UBE2E3: variants seen among roughly 807,000 people sequenced by gnomAD.
The protein encoded by UBE2E3 is ubiquitin conjugating enzyme E2 E3.
In UBE2E3, 5 loss-of-function variants were observed where a neutral mutation model predicts 23.6. The observed-to-expected ratio is 0.21, with a 90% CI of 0.11 to 0.44. UBE2E3 has a LOEUF of 0.44. UBE2E3 is among the 20% of genes least tolerant of loss of function. The pLI, the probability that UBE2E3 is intolerant of heterozygous loss-of-function variation, is 0.99. For missense variants in UBE2E3, 81 were observed against 249.8 expected, an observed-to-expected ratio of 0.32 and a Z score of 4.55; for synonymous variants, 78 against 87.5, an observed-to-expected ratio of 0.89 and a Z score of 0.60.
chr2:181,060,861 C>CTTTTTTTTTTTTTTTTTTTTTT (rs71029902), intron 5 of UBE2E3, 49 bp downstream of exon 5: 2 of 238,396 alleles, frequency 8.4e-6, no homozygotes, highest in African/African-American at 5.8e-5. Flanking sequence ...AAAACGAGTG[C>CTTTTTTTTTTTTTTTTTTTTTT]TTTTTTTTTT....
At chr2:181,040,169 C>T (rs939778742) in intron 3 of UBE2E3, among the ~76,000 whole-genome samples, 3 of 152,144 alleles carry the variant, frequency 2.0e-5, no homozygotes, top group Middle Eastern at 3.2e-3. Context: ...AATATGTTTG[C>T]GTTCTTCTTA....
intron 2 of UBE2E3, among the ~76,000 whole-genome samples, chr2:180,982,584 T>C (rs1286487374): frequency 2.7e-5 from 4 of 148,872 alleles, no homozygotes; most frequent in Non-Finnish European, 5.9e-5. Context: ...GTCATAATCT[T>C]CTTTAATGAA....
chr2:181,003,007 C>G (rs1402974539), intron 3 of UBE2E3, among the ~76,000 whole-genome samples: 1 of 152,216 alleles, frequency 6.6e-6, no homozygotes, highest in East Asian at 1.9e-4. Context: ...ACACATCTCT[C>G]TGCCCATGTG....
chr2:181,013,266 A>G (rs1685388406), intron 3 of UBE2E3, among the ~76,000 whole-genome samples: 1 of 152,148 alleles, frequency 6.6e-6, no homozygotes, highest in Non-Finnish European at 1.5e-5. Context: ...TAAATGGAAA[A>G]CATTATTATT....
At chr2:180,981,284 T>G (rs1410669215) in intron 1 of UBE2E3, 1 of 152,034 alleles carries the variant, frequency 6.6e-6, no homozygotes, top group Non-Finnish European at 1.5e-5. Context: ...TGTTTGTTTT[T>G]TCTCTGGGTT....
At chr2:180,993,263 G>A (rs1684723605) in intron 3 of UBE2E3, among the ~76,000 whole-genome samples, 1 of 152,178 alleles carries the variant, frequency 6.6e-6, no homozygotes, top group African/African-American at 2.4e-5. Flanking sequence ...GGTCCTTGAT[G>A]TATATAATAC....
rs540313808 is a variant in UBE2E3, at chr2:181,062,846, C to T, written c.582C>T (p.His194=). Residue 194 remains histidine, a synonymous_variant, in exon 6 of 6, where the codon CAC becomes CAT. Coordinates refer to ENST00000410062, the MANE Select transcript of UBE2E3 (RefSeq NM_006357.4). ...AGTATTTGACCAACAGAGCAGAACACGACAGGATAGCCAGACAGTGGACCA... is the reference window on the plus strand; with the variant it reads ...AGTATTTGACCAACAGAGCAGAACATGACAGGATAGCCAGACAGTGGACCA... ...ATQYLTNRAE[H]DRIARQWTKR... 20 of 1,608,372 alleles carry T rather than the reference C, an allele frequency of 1.2e-5. No homozygotes were observed. The highest frequency in any genetic ancestry group is 8.0e-5 in the African/African-American group (6 of 74,576).
rs145635542 is a variant in UBE2E3 at position 180,983,344 on chromosome 2, G to A, written c.195-699G>A. On this transcript the variant is annotated intron_variant, in intron 2 of 5. Transcript: ENST00000410062. ...TCTCAATTTGGTATAGTGTTGATGC[G>A]GAACATATTAGACACATCTAAAGTT... 4.6e-3 allele frequency among the ~76,000 whole-genome samples: 697 copies of A among 152,110 alleles called. 5 individuals are homozygous for A. Among genetic ancestry groups the A allele is most frequent in the African/African-American group, 0.016 (653 of 41,488 alleles).
At chr2:180,985,972 A>G (rs1283854605) in intron 3 of UBE2E3, among the ~76,000 whole-genome samples, 1 of 152,098 alleles carries the variant, frequency 6.6e-6, no homozygotes, top group Non-Finnish European at 1.5e-5. Flanking sequence ...ACTGAGGATT[A>G]TTTTAGAGGG....
At chr2:181,034,274 A>G (rs1206532038) in intron 3 of UBE2E3, among the ~76,000 whole-genome samples, 1 of 152,224 alleles carries the variant, frequency 6.6e-6, no homozygotes, top group Non-Finnish European at 1.5e-5. Context: ...CTTGGAACCA[A>G]CCCAAATGTC....
intron 3 of UBE2E3, among the ~76,000 whole-genome samples, chr2:181,056,003 A>T (rs1201188074): frequency 6.6e-6 from 1 of 151,352 alleles, no homozygotes; most frequent in Non-Finnish European, 1.5e-5. Context: ...CAACATTCGC[A>T]CTGAAAGGAA....
chr2:180,984,865 T>A (rs1373419280), intron 3 of UBE2E3, among the ~76,000 whole-genome samples: 3 of 152,158 alleles, frequency 2.0e-5, no homozygotes, highest in Non-Finnish European at 4.4e-5. Context: ...ATTCTTTTTT[T>A]AATGACTATG....
intron 3 of UBE2E3, among the ~76,000 whole-genome samples, chr2:181,023,207 A>G (rs993074238): frequency 6.6e-6 from 1 of 152,198 alleles, no homozygotes; most frequent in African/African-American, 2.4e-5. Context: ...TATTTTTAGG[A>G]GTAGGTGAAT....
intron 3 of UBE2E3, among the ~76,000 whole-genome samples, chr2:181,041,711 A>G (rs902945033): frequency 7.2e-6 from 1 of 138,006 alleles, no homozygotes; most frequent in Non-Finnish European, 1.6e-5. Flanking sequence ...GCTGGGATTG[A>G]TTACAGGTGT....
In UBE2E3 at chr2:181,063,078, A is replaced by G. The variant is rs1225003636; in HGVS notation, c.*190A>G. The G allele has an allele frequency of 5.5e-6, 2 of 366,428 alleles. No homozygotes were observed. The highest frequency in any genetic ancestry group is 1.0e-5 in the Non-Finnish European group (2 of 195,080). The allele number at this position is 366,428 out of a possible 1,614,324, so 22.7% of individuals were successfully genotyped here. On this transcript the variant is annotated 3_prime_UTR_variant, in exon 6 of 6. Coordinates refer to ENST00000410062, the MANE Select transcript of UBE2E3 (RefSeq NM_006357.4). The surrounding 1 kb of genome is among the most constrained non-coding windows in gnomAD (Gnocchi z 4.1). ...CAAGAGTAGAACTTTGTAGCTGTAG[A>G]TTAGTTATGTTTAAAACGCCTACTT...
At chr2:181,024,347 C>G (rs923248515) in intron 3 of UBE2E3, among the ~76,000 whole-genome samples, 2 of 152,112 alleles carry the variant, frequency 1.3e-5, no homozygotes, top group Non-Finnish European at 2.9e-5. Context: ...TTCTACCATC[C>G]TATTATCCAC....
chr2:181,049,034 TAGG>T (rs1686751402), intron 3 of UBE2E3, among the ~76,000 whole-genome samples: 1 of 152,036 alleles, frequency 6.6e-6, no homozygotes, highest in Admixed American at 6.6e-5. Context: ...TAGCGGCAAC[TAGG>T]AGAAGAAAGG....
chr2:181,031,126 A>G (rs72885232), intron 3 of UBE2E3, among the ~76,000 whole-genome samples: 35,280 of 151,856 alleles, frequency 0.23, 4,451 homozygotes, highest in Non-Finnish European at 0.28. Flanking sequence ...CTCTCATACT[A>G]TTTTTTTAAA....
intron 3 of UBE2E3, among the ~76,000 whole-genome samples, chr2:181,037,570 G>T (rs1438880093): frequency 2.6e-5 from 4 of 152,058 alleles, no homozygotes; most frequent in African/African-American, 9.7e-5. Context: ...AAAGCTTATA[G>T]ACAAATACAA....
Sources: gnomAD v4.1 joint callset for allele counts (sites outside exome capture counted in the v4.1 genomes callset) on GRCh38, gnomAD v4.1.1 for gene constraint, Gnocchi (gnomAD v3.1) non-coding constraint, MANE v1.5 for transcripts, NCBI Gene and HGNC (gene_info 2026-07-23, HGNC 2026-07-21) for gene names.